FAT4: variants seen among roughly 807,000 people sequenced by gnomAD.
FAT4 encodes FAT atypical cadherin 4.
In FAT4, 84 loss-of-function variants were observed where a neutral mutation model predicts 303.9. The observed-to-expected ratio is 0.28, with a 90% CI of 0.23 to 0.33. The LOEUF (loss-of-function observed/expected upper bound fraction) is 0.33, where lower values mean the gene tolerates loss of function less well. FAT4 is among the 10% of genes least tolerant of loss of function. The pLI, the probability that FAT4 is intolerant of heterozygous loss-of-function variation, is 1.00. For missense variants in FAT4, 6,005 were observed against 6,146.8 expected, an observed-to-expected ratio of 0.98 and a Z score of 0.77; for synonymous variants, 2,307 against 2,298.8, an observed-to-expected ratio of 1.00 and a Z score of -0.10.
chr4:125,318,330 G>A lies in FAT4; in HGVS notation c.1919G>A (p.Arg640Lys), dbSNP rs1730740277. 1.9e-6 allele frequency: 3 copies of A among 1,614,192 alleles called. No homozygotes were observed. Among genetic ancestry groups the A allele is most frequent in the Non-Finnish European group, 2.5e-6 (3 of 1,180,038 alleles). ...TTCCGTCTGGATCCTGTGTCTGGGA[G>A]GTTGAGTACTATTTCCTCCTTGGAC... ...RSFRLDPVSGRLSTISSLDRE... is the reference protein window; with the variant it reads ...RSFRLDPVSGKLSTISSLDRE... The change falls in exon 2 of 18, where the codon AGG (arginine) becomes AAG (lysine). Residue 640 changes from arginine to lysine, a missense_variant. Physicochemically the swap from Arg to Lys is conservative, Grantham distance 26. Transcript: ENST00000394329.
chr4:125,440,960 T>C (rs1725642272), intron 8 of FAT4, among the ~76,000 whole-genome samples: 1 of 152,176 alleles, frequency 6.6e-6, no homozygotes, highest in African/African-American at 2.4e-5. Context: ...TTCTAATGCA[T>C]CTGGCACCCA....
At chr4:125,334,793 A>G (rs1344043092) in intron 2 of FAT4, among the ~76,000 whole-genome samples, 3 of 152,154 alleles carry the variant, frequency 2.0e-5, no homozygotes, top group African/African-American at 7.2e-5. Flanking sequence ...CAATCCTTTA[A>G]TTGCACAAAA....
chr4:125,434,454 T>G lies in FAT4; in HGVS notation c.7199+29T>G, dbSNP rs7656135. On this transcript the variant is annotated intron_variant, in intron 8 of 17. Transcript: ENST00000394329. Reference sequence around the variant, plus strand: ...AGTACATTTTCCTTTGTAAAGTTTGTCTGTTTTCTCATTAAACATTAGTTT... The same window carrying G: ...AGTACATTTTCCTTTGTAAAGTTTGGCTGTTTTCTCATTAAACATTAGTTT... 1 allele frequency: 1,607,110 copies of G among 1,609,134 alleles called. 802,565 individuals are homozygous for G. The highest frequency in any genetic ancestry group is 1 in the East Asian group (44,742 of 44,742).
At chr4:125,364,692 G>A (rs1732798524) in intron 2 of FAT4, among the ~76,000 whole-genome samples, 1 of 152,052 alleles carries the variant, frequency 6.6e-6, no homozygotes. Context: ...ATACAACTCT[G>A]TATAACTGAA....
In FAT4 at chr4:125,393,471, C is replaced by T. The variant is rs140627115; in HGVS notation, c.5176-5313C>T. Among the ~76,000 whole-genome samples the T allele has an allele frequency of 2.4e-3, 362 of 151,984 alleles. 3 individuals are homozygous for T. The highest frequency in any genetic ancestry group is 8.1e-3 in the Admixed American group (123 of 15,238). On this transcript the variant is annotated intron_variant, in intron 2 of 17. Transcript: ENST00000394329. The stretch of plus-strand genomic sequence containing the variant: ...CAAATATATAATGGTTTGATATTAG[C>T]GATTGTTAGGTAATGATTGTTCCTT...
intron 2 of FAT4, among the ~76,000 whole-genome samples, chr4:125,389,108 A>G (rs1046507965): frequency 6.6e-6 from 1 of 152,210 alleles, no homozygotes; most frequent in Non-Finnish European, 1.5e-5. Flanking sequence ...TCCTTAAAAA[A>G]TGAAACCAAA....
chr4:125,388,379 G>T (rs1733844913), intron 2 of FAT4, among the ~76,000 whole-genome samples: 1 of 151,962 alleles, frequency 6.6e-6, no homozygotes, highest in African/African-American at 2.4e-5. Flanking sequence ...TTATTTCATA[G>T]TATCCAGTAC....
chr4:125,367,694 T>A (rs141601360), intron 2 of FAT4, among the ~76,000 whole-genome samples: 1 of 152,304 alleles, frequency 6.6e-6, no homozygotes, highest in East Asian at 1.9e-4. Flanking sequence ...CCATGAGAGA[T>A]GGTTAAAATG....
At chr4:125,392,245 T>A (rs1734002084) in intron 2 of FAT4, among the ~76,000 whole-genome samples, 1 of 152,168 alleles carries the variant, frequency 6.6e-6, no homozygotes, top group Admixed American at 6.6e-5. Flanking sequence ...AAACATTATT[T>A]TTAGTGCAAA....
intron 14 of FAT4, among the ~76,000 whole-genome samples, chr4:125,478,080 A>G (rs1392941474): frequency 1.3e-5 from 2 of 152,188 alleles, no homozygotes; most frequent in Non-Finnish European, 2.9e-5. Flanking sequence ...TTAATATACC[A>G]ATTACCCTGT....
chr4:125,427,784 C>T (rs986870021), intron 7 of FAT4, among the ~76,000 whole-genome samples: 5 of 152,094 alleles, frequency 3.3e-5, no homozygotes, highest in Admixed American at 2.6e-4. Flanking sequence ...AAGAAAATGG[C>T]TTTGTTGCAA....
chr4:125,490,041 A>G lies in FAT4; in HGVS notation c.13225A>G (p.Asn4409Asp), dbSNP rs779712374. Residue 4409 changes from asparagine (N) to aspartate (D), a missense_variant, in exon 18 of 18, where the codon AAC (asparagine) becomes GAC (aspartate). Asn to Asp is a conservative substitution (Grantham distance 23). Coordinates refer to ENST00000394329, the MANE Select transcript of FAT4 (RefSeq NM_001291303.3). ...CCGTGGCCCGAACATTTGTGCCAGC[A>G]ACCCCTGCTGGGGTGATTTGCTGTG... Reference protein sequence around the residue: ...GCRGPNICASNPCWGDLLCIN... With the variant: ...GCRGPNICASDPCWGDLLCIN... 8 of 1,613,986 alleles carry G rather than the reference A, an allele frequency of 5.0e-6. No individual in the cohort carries two copies. The highest frequency in any genetic ancestry group is 5.9e-6 in the Non-Finnish European group (7 of 1,180,000).
At position 125,320,633 on chromosome 4, in the gene FAT4, A is replaced by G. The variant is rs780930843; in HGVS notation, c.4222A>G (p.Ile1408Val). 1.2e-6 allele frequency: 2 copies of G among 1,614,030 alleles called. No homozygotes were observed. Among genetic ancestry groups the G allele is most frequent in the South Asian group, 1.1e-5 (1 of 91,082 alleles). Reference protein sequence around the residue: ...PPRSSTMSVVIHVRDFNDNPP... With the variant: ...PPRSSTMSVVVHVRDFNDNPP... ...TCGTTCATCTACAATGTCAGTGGTT[A>G]TTCACGTGAGGGACTTTAATGACAA... Residue 1408 changes from isoleucine (I) to valine (V), a missense_variant, in exon 2 of 18, where the codon ATT becomes GTT. Coordinates refer to ENST00000394329, the MANE Select transcript of FAT4 (RefSeq NM_001291303.3).
At chr4:125,480,531 C>T (rs1468554488) in intron 15 of FAT4, among the ~76,000 whole-genome samples, 1 of 152,076 alleles carries the variant, frequency 6.6e-6, no homozygotes, top group Non-Finnish European at 1.5e-5. Context: ...CATTTTCAAA[C>T]AAGTGGTTAC....
chr4:125,393,989 A>T (rs768051740), intron 2 of FAT4: 4 of 780,130 alleles, frequency 5.1e-6, no homozygotes, highest in Middle Eastern at 2.2e-4. Flanking sequence ...CATTAGCTGC[A>T]GCTGAAGTGT....
At position 125,490,163 on chromosome 4, in the gene FAT4, C is replaced by A. The variant is rs758589643; in HGVS notation, c.13347C>A (p.Ser4449=). The A allele has an allele frequency of 6.2e-7, 1 of 1,614,104 alleles. No individual in the cohort carries two copies. Among genetic ancestry groups the A allele is most frequent in the Admixed American group, 1.7e-5 (1 of 60,018 alleles). The change falls in exon 18 of 18, where the codon TCC becomes TCA. Residue 4449 remains serine, a synonymous_variant. Transcript: ENST00000394329. ...GCAGCTGTGAGCCAGGCCTGCACTCCGGCTTCACCTGTAGCTGCCCAGACT... is the reference window on the plus strand; with the variant it reads ...GCAGCTGTGAGCCAGGCCTGCACTCAGGCTTCACCTGTAGCTGCCCAGACT... ...NGGSCEPGLH[S]GFTCSCPDSH...
intron 8 of FAT4, among the ~76,000 whole-genome samples, chr4:125,441,115 T>C (rs1725647728): frequency 6.6e-6 from 1 of 152,160 alleles, no homozygotes; most frequent in Non-Finnish European, 1.5e-5. Flanking sequence ...CCTGTAAAAT[T>C]ATGAAGCCCT....
intron 12 of FAT4, among the ~76,000 whole-genome samples, chr4:125,474,009 C>T (rs1274561948): frequency 6.6e-6 from 1 of 152,012 alleles, no homozygotes; most frequent in South Asian, 2.1e-4. Flanking sequence ...AGCTTTAAGT[C>T]ATTGCATAGT....
intron 10 of FAT4, among the ~76,000 whole-genome samples, chr4:125,457,322 G>A (rs544327280): frequency 2.7e-4 from 41 of 152,146 alleles, no homozygotes; most frequent in African/African-American, 9.4e-4. Context: ...AAGGACGCAA[G>A]TATGAAAATG....
Sources: allele counts gnomAD v4.1 joint callset (sites outside exome capture counted in the v4.1 genomes callset), GRCh38; gene constraint gnomAD v4.1.1; transcripts MANE v1.5; gene names NCBI Gene and HGNC (gene_info 2026-07-23, HGNC 2026-07-21).